The following TNKS variants were observed in gnomAD, a reference collection of about 807,000 sequenced individuals.
The protein encoded by TNKS is tankyrase.
TNKS carries 72 observed loss-of-function variants against 135.8 expected under a neutral mutation model. The observed-to-expected ratio is 0.53, with a 90% CI of 0.44 to 0.64. The LOEUF is 0.64. Ranked by LOEUF, TNKS falls within the 30% of genes least tolerant of loss-of-function variation. The pLI is 0.00. For missense variants in TNKS, 1,769 were observed against 1,674.0 expected (o/e 1.06, Z -0.99); for synonymous variants, 849 against 649.3 (o/e 1.31, Z -4.68).
At chr8:9,572,824 C>T (rs1003449953) in intron 1 of TNKS, among the ~76,000 whole-genome samples, 3 of 152,026 alleles carry the variant, frequency 2.0e-5, no homozygotes, top group Admixed American at 2.0e-4. Context: ...TGTCTGGAAC[C>T]GCTAGTGTTA....
intron 11 of TNKS, among the ~76,000 whole-genome samples, chr8:9,716,533 C>T (rs1376419151): frequency 1.4e-4 from 21 of 152,108 alleles, no homozygotes; most frequent in Admixed American, 1.3e-3. Flanking sequence ...TTTATTACTT[C>T]TGTGAGAAAC....
At chr8:9,668,043 G>A (rs1359137735) in intron 3 of TNKS, among the ~76,000 whole-genome samples, 1 of 152,156 alleles carries the variant, frequency 6.6e-6, no homozygotes, top group Non-Finnish European at 1.5e-5. Flanking sequence ...CAAACCTGCA[G>A]CAACTTGTTC....
In TNKS at chr8:9,765,817, C is replaced by G. The variant is rs764193648; in HGVS notation, c.3553+20C>G. 1.8e-5 allele frequency: 28 copies of G among 1,598,448 alleles called. No homozygotes were observed. The East Asian group carries it at 5.1e-4, about 29-fold the overall frequency. On this transcript the variant is annotated intron_variant, in intron 24 of 26. Transcript: ENST00000310430. ...TTCATGGTAAGCAGCGTGGCAGGGACGGTGGACGTCTCCCTGGGCCTTTGC... is the reference window on the plus strand; with the variant it reads ...TTCATGGTAAGCAGCGTGGCAGGGAGGGTGGACGTCTCCCTGGGCCTTTGC...
At chr8:9,592,195 G>C (rs982217215) in intron 2 of TNKS, among the ~76,000 whole-genome samples, 1 of 152,178 alleles carries the variant, frequency 6.6e-6, no homozygotes, top group African/African-American at 2.4e-5. Context: ...TTAATAGCTT[G>C]TTGCCTGAAA....
At chr8:9,617,712 T>C (rs1799696408) in intron 3 of TNKS, among the ~76,000 whole-genome samples, 1 of 152,214 alleles carries the variant, frequency 6.6e-6, no homozygotes, top group South Asian at 2.1e-4. Flanking sequence ...AAAGGGTTTC[T>C]TTTGAAAGGA....
At chr8:9,663,018 A>T (rs1012327398) in intron 3 of TNKS, among the ~76,000 whole-genome samples, 1 of 152,364 alleles carries the variant, frequency 6.6e-6, no homozygotes, top group Non-Finnish European at 1.5e-5. Context: ...AATCACAAGG[A>T]TTCTTTAAAG....
At chr8:9,589,119 T>C (rs1229252135) in intron 2 of TNKS, among the ~76,000 whole-genome samples, 3 of 152,110 alleles carry the variant, frequency 2.0e-5, no homozygotes, top group African/African-American at 7.2e-5. Flanking sequence ...TGAGAAAAAA[T>C]CTATAGCTAG....
chr8:9,771,450 AGAGAGAAGAAGGGAGG>A (rs972078963), intron 26 of TNKS, among the ~76,000 whole-genome samples: 4 of 80,078 alleles, frequency 5.0e-5, no homozygotes, highest in Non-Finnish European at 8.1e-5. Context: ...AAAGGAAAAG[AGAGAGAAGAAGGGAGG>A]GAGAGAAGAA....
chr8:9,674,757 T>TTC (rs1460804656), intron 3 of TNKS, among the ~76,000 whole-genome samples: 1 of 152,142 alleles, frequency 6.6e-6, no homozygotes. Context: ...GTTTAAAAGG[T>TTC]CAAGGTTCCA....
chr8:9,569,410 T>C (rs1003397059), intron 1 of TNKS, among the ~76,000 whole-genome samples: 1 of 152,218 alleles, frequency 6.6e-6, no homozygotes, highest in African/African-American at 2.4e-5. Flanking sequence ...TTTGAGTCGT[T>C]ACCCCTCTAA....
intron 5 of TNKS, among the ~76,000 whole-genome samples, chr8:9,701,832 G>A (rs938230032): frequency 2.6e-5 from 4 of 152,138 alleles, no homozygotes; most frequent in Admixed American, 2.6e-4. Flanking sequence ...CAGTGGGCCA[G>A]GAAAGGGAGA....
rs1798492996 is a variant in TNKS, at chr8:9,589,061, G to T, written c.898+8678G>T. ...TGGGAATTTGTCCTCATTAGTGTTT[G>T]TGACTGAAAACGGGATTATTTCCCT... On this transcript the variant is annotated intron_variant, in intron 2 of 26. Transcript: ENST00000310430. Among the ~76,000 whole-genome samples the T allele has an allele frequency of 2.0e-5, 3 of 152,274 alleles. No homozygotes were observed. The South Asian group carries it at 6.2e-4, about 32-fold the overall frequency.
intron 1 of TNKS, among the ~76,000 whole-genome samples, chr8:9,572,936 A>T (rs202143225): frequency 6.6e-6 from 1 of 152,134 alleles, no homozygotes; most frequent in South Asian, 2.1e-4. Flanking sequence ...ATTGAAAGCA[A>T]TATTTTCATT....
chr8:9,691,663 T>A (rs1001171877), intron 5 of TNKS, among the ~76,000 whole-genome samples: 95 of 152,224 alleles, frequency 6.2e-4, no homozygotes, highest in African/African-American at 2.2e-3. Context: ...TGTTTCTAGC[T>A]AAGGTAGTTG....
intron 1 of TNKS, among the ~76,000 whole-genome samples, chr8:9,568,797 T>A (rs1485315670): frequency 7.0e-6 from 1 of 143,528 alleles, no homozygotes; most frequent in Middle Eastern, 3.3e-3. Context: ...AATTTTGCCT[T>A]TTTTCTCTTT....
intron 13 of TNKS, 63 bp from the exon 14 acceptor site, chr8:9,730,827 C>T: frequency 6.4e-7 from 1 of 1,552,286 alleles, no homozygotes; most frequent in Non-Finnish European, 8.7e-7. Flanking sequence ...TATTTTGGGG[C>T]AAAACCTGTG....
intron 1 of TNKS, chr8:9,557,420 A>G (rs1464989189): frequency 7.0e-6 from 1 of 142,198 alleles, no homozygotes; most frequent in Non-Finnish European, 1.5e-5. Flanking sequence ...TTTTGCAAGT[A>G]GTTGATGATT....
At chr8:9,774,017 G>C (rs546565611) in intron 26 of TNKS, among the ~76,000 whole-genome samples, 11 of 152,176 alleles carry the variant, frequency 7.2e-5, no homozygotes, top group Non-Finnish European at 1.6e-4. Context: ...GATTTGAGTA[G>C]TAGTATTCGT....
intron 3 of TNKS, among the ~76,000 whole-genome samples, chr8:9,664,781 G>A (rs552683185): frequency 6.6e-6 from 1 of 152,316 alleles, no homozygotes; most frequent in South Asian, 2.1e-4. Flanking sequence ...GTATACAACT[G>A]TTAATAAAAG....
Sources: gnomAD v4.1 joint callset for allele counts (sites outside exome capture counted in the v4.1 genomes callset) on GRCh38, gnomAD v4.1.1 for gene constraint, MANE v1.5 for transcripts, NCBI Gene and HGNC (gene_info 2026-07-23, HGNC 2026-07-21) for gene names.